The following FANK1 variants were observed in gnomAD, a reference collection of about 807,000 sequenced individuals.
FANK1 encodes fibronectin type 3 and ankyrin repeat domains protein 1.
A neutral mutation model predicts 45.3 loss-of-function variants in FANK1; 44 were observed. The observed-to-expected ratio is 0.97, with a 90% CI of 0.76 to 1.25. The LOEUF (loss-of-function observed/expected upper bound fraction) is 1.25, where lower values mean the gene tolerates loss of function less well. Among genes scored for constraint, FANK1 ranks in the 50% most tolerant of loss-of-function variants. The probability of loss-of-function intolerance (pLI) is 0.00; values close to 1 mark genes in which losing one functional copy is unlikely to be tolerated. For missense variants in FANK1, 391 were observed against 424.4 expected (o/e 0.92, Z 0.69); for synonymous variants, 149 against 152.5 (o/e 0.98, Z 0.17).
intron 6 of FANK1, among the ~76,000 whole-genome samples, chr10:126,003,569 T>C (rs922228267): frequency 1.3e-5 from 2 of 152,176 alleles, no homozygotes; most frequent in Non-Finnish European, 2.9e-5. Context: ...GACAGCAAAT[T>C]TTCTTCTCTG....
chr10:126,006,227 A>G (rs1296170091), intron 7 of FANK1, among the ~76,000 whole-genome samples: 1 of 152,204 alleles, frequency 6.6e-6, no homozygotes, highest in Non-Finnish European at 1.5e-5. Flanking sequence ...GATTTCTTCT[A>G]GTTTGTTTCT....
rs190259743 is a variant in FANK1, at chr10:125,953,799, C to T, written c.14-26362C>T. 9.8e-4 allele frequency among the ~76,000 whole-genome samples: 149 copies of T among 152,268 alleles called. 2 individuals carry two copies. The highest frequency in any genetic ancestry group is 3.7e-3 in the South Asian group (18 of 4,816). ...TGGCCCTGCCCCTCCTAGCTGGGCA[C>T]GCTGCTGCTTCTGGGAGGCCTTTGT... On this transcript the variant is annotated intron_variant, in intron 1 of 10. Transcript: ENST00000368693.
intron 1 of FANK1, among the ~76,000 whole-genome samples, chr10:125,945,402 C>T (rs556831201): frequency 1.1e-3 from 165 of 152,260 alleles, no homozygotes; most frequent in African/African-American, 3.4e-3. Context: ...GCGCACCGTG[C>T]GCAAGCCGAA....
rs1017911595 is a variant in FANK1, at chr10:125,983,118, A to G, written c.191+2780A>G. Among the ~76,000 whole-genome samples, 4 of 151,950 alleles carry G rather than the reference A, an allele frequency of 2.6e-5. No individual in the cohort carries two copies. Among genetic ancestry groups the G allele is most frequent in the Admixed American group, 6.6e-5 (1 of 15,248 alleles). ...TTCTCAGCACAAACCCTCCAGTCAGATTTCTTACTGTCCTTTGAATATGCC... is the reference window on the plus strand; with the variant it reads ...TTCTCAGCACAAACCCTCCAGTCAGGTTTCTTACTGTCCTTTGAATATGCC... On this transcript the variant is annotated intron_variant, in intron 2 of 10. Transcript: ENST00000368693. The surrounding 1 kb of genome is among the most constrained non-coding windows in gnomAD (Gnocchi z 4.3).
chr10:125,911,789 A>G (rs903721745), intron 1 of FANK1, among the ~76,000 whole-genome samples: 1 of 152,214 alleles, frequency 6.6e-6, no homozygotes, highest in Non-Finnish European at 1.5e-5. Flanking sequence ...CATCTGCACA[A>G]CATGGTTAGA....
At chr10:125,963,977 A>G (rs981796633) in intron 1 of FANK1, among the ~76,000 whole-genome samples, 1 of 152,156 alleles carries the variant, frequency 6.6e-6, no homozygotes, top group Non-Finnish European at 1.5e-5. Flanking sequence ...GACAAAAAAA[A>G]GGAGAGAAAT....
At chr10:125,992,747 T>G (rs1952033609) in intron 3 of FANK1, among the ~76,000 whole-genome samples, 1 of 151,806 alleles carries the variant, frequency 6.6e-6, no homozygotes, top group South Asian at 2.1e-4. Context: ...TCAGGTAAGA[T>G]GGAGGCTGTG....
At chr10:125,970,153 C>G (rs565682151) in intron 1 of FANK1, among the ~76,000 whole-genome samples, 1 of 152,172 alleles carries the variant, frequency 6.6e-6, no homozygotes, top group African/African-American at 2.4e-5. Flanking sequence ...ACCTCCCAGA[C>G]GGGGTGGCGG....
At chr10:125,917,341 T>C (rs747570684) in intron 1 of FANK1, among the ~76,000 whole-genome samples, 16 of 152,244 alleles carry the variant, frequency 1.1e-4, no homozygotes, top group Non-Finnish European at 2.1e-4. Flanking sequence ...TCCTTGTTGC[T>C]ACCTCATAAA....
chr10:125,964,518 G>A (rs1031583662), intron 1 of FANK1, among the ~76,000 whole-genome samples: 6 of 151,958 alleles, frequency 3.9e-5, no homozygotes, highest in African/African-American at 1.2e-4. Flanking sequence ...TCTACATAAC[G>A]TTTTACAACT....
rs771747131 is a variant in FANK1, at chr10:126,009,237, C to G, written c.943C>G (p.Leu315Val). The G allele has an allele frequency of 7.4e-6, 12 of 1,613,954 alleles. No homozygotes were observed. In the African/African-American group the frequency reaches 1.5e-4, roughly 20 times the overall value. ...CCTGTTTCAGTTCGGCAAAGGTGTC[C>G]TAGAAATGGCCAGAGTTTTTGACAG... is the stretch of plus-strand genomic sequence containing the variant. Reference protein sequence around the residue: ...SVKNEFGKGVLEMARVFDRQS... With the variant: ...SVKNEFGKGVVEMARVFDRQS... The change falls in exon 10 of 11, where the codon CTA becomes GTA. Residue 315 changes from leucine to valine, a missense_variant. By Grantham distance (32) the Leu-to-Val change is conservative. Transcript: ENST00000368693.
rs539721791 is a variant in FANK1, at chr10:125,908,296, T to A, written c.13+11641T>A. 2.0e-5 allele frequency among the ~76,000 whole-genome samples: 3 copies of A among 152,242 alleles called. 1 individual carries two copies. The East Asian group carries it at 5.8e-4, about 29-fold the overall frequency. ...CAGGTGTGAGCCACTGTGCCTGGCC[T>A]TTTCTCATATGTTTATAGCAGCACA... On this transcript the variant is annotated intron_variant, in intron 1 of 10. Transcript: ENST00000368693.
chr10:125,914,596 G>A (rs1281856516), intron 1 of FANK1, among the ~76,000 whole-genome samples: 1 of 151,602 alleles, frequency 6.6e-6, no homozygotes, highest in Admixed American at 6.6e-5. Flanking sequence ...TTCCCTAACA[G>A]AAATGAAAAA....
intron 1 of FANK1, among the ~76,000 whole-genome samples, chr10:125,940,697 G>C (rs1457303916): frequency 6.6e-6 from 1 of 151,976 alleles, no homozygotes. Flanking sequence ...CTTTCCCTTC[G>C]CACGAGGCCA....
intron 1 of FANK1, among the ~76,000 whole-genome samples, chr10:125,966,209 CTTACG>C (rs1950194407): frequency 6.6e-6 from 1 of 152,098 alleles, no homozygotes; most frequent in African/African-American, 2.4e-5. Context: ...GCAGTTTGCA[CTTACG>C]TTACTTACTT....
chr10:125,991,487 T>C (rs1377833843), intron 3 of FANK1, among the ~76,000 whole-genome samples: 3 of 152,144 alleles, frequency 2.0e-5, no homozygotes, highest in Middle Eastern at 3.2e-3. Flanking sequence ...CCAAAGCAGA[T>C]TCTCCTAAGG....
At chr10:125,952,810 C>T (rs1245428454) in intron 1 of FANK1, among the ~76,000 whole-genome samples, 222 of 13,728 alleles carry the variant, frequency 0.016, no homozygotes, top group Non-Finnish European at 0.027. Flanking sequence ...TACACACACA[C>T]ACACACACAC....
At chr10:125,943,060 C>T (rs866872171) in intron 1 of FANK1, among the ~76,000 whole-genome samples, 1 of 152,130 alleles carries the variant, frequency 6.6e-6, no homozygotes, top group African/African-American at 2.4e-5. Context: ...GATCTGCCCA[C>T]TGCGGCTTCC....
At chr10:125,902,329 G>C (rs373573804) in intron 1 of FANK1, among the ~76,000 whole-genome samples, 1 of 152,222 alleles carries the variant, frequency 6.6e-6, no homozygotes, top group East Asian at 1.9e-4. Context: ...CAGGGGACCT[G>C]TCTGCCCTGT....
Sources: allele counts gnomAD v4.1 joint callset (sites outside exome capture counted in the v4.1 genomes callset), GRCh38; gene constraint gnomAD v4.1.1; non-coding constraint Gnocchi (gnomAD v3.1); transcripts MANE v1.5; gene names NCBI Gene and HGNC (gene_info 2026-07-23, HGNC 2026-07-21).